The following CCDC39 variants were observed in gnomAD, a reference collection of about 807,000 sequenced individuals.
CCDC39 encodes the protein coiled-coil domain-containing protein 39.
In CCDC39, 113 loss-of-function variants were observed where a neutral mutation model predicts 121.0. That is an observed-to-expected ratio of 0.93 (90% confidence interval 0.80 to 1.09). The LOEUF is 1.09. CCDC39 is among the 50% of genes least tolerant of loss of function. The pLI, the probability that CCDC39 is intolerant of heterozygous loss-of-function variation, is 0.00. For synonymous variants in CCDC39, 349 were observed against 352.2 expected (o/e 0.99, Z 0.10); for missense variants, 1,063 against 1,074.7 (o/e 0.99, Z 0.15).
At chr3:180,629,658 TGTGAA>T (rs1334580495) in intron 14 of CCDC39, among the ~76,000 whole-genome samples, 1 of 152,214 alleles carries the variant, frequency 6.6e-6, no homozygotes, top group East Asian at 1.9e-4. Context: ...ATCTGAGACT[TGTGAA>T]GTGTTACCAG....
chr3:180,677,193 TA>T (rs1712255242), intron 1 of CCDC39, among the ~76,000 whole-genome samples: 5 of 102,838 alleles, frequency 4.9e-5, no homozygotes, highest in African/African-American at 1.8e-4. Flanking sequence ...TATATATATA[TA>T]TATATATATA....
At chr3:180,630,147 C>T (rs756844723) in intron 14 of CCDC39, among the ~76,000 whole-genome samples, 1 of 152,044 alleles carries the variant, frequency 6.6e-6, no homozygotes, top group Non-Finnish European at 1.5e-5. Context: ...ACACTTAACA[C>T]CAGTACTTTT....
intron 13 of CCDC39, among the ~76,000 whole-genome samples, chr3:180,635,375 A>G (rs1452323286): frequency 6.7e-6 from 1 of 148,610 alleles, no homozygotes; most frequent in Non-Finnish European, 1.5e-5. Flanking sequence ...TAATCCCCCC[A>G]AAGTCTTAGC....
intron 1 of CCDC39, among the ~76,000 whole-genome samples, chr3:180,676,187 T>C (rs1359103139): frequency 3.9e-5 from 6 of 152,166 alleles, no homozygotes; most frequent in Non-Finnish European, 8.8e-5. Context: ...CAAAAGAAAC[T>C]ACCATCAGAA....
chr3:180,659,424 CA>C (rs1359679810), intron 6 of CCDC39, 27 bp downstream of exon 6: 1 of 1,608,816 alleles, frequency 6.2e-7, no homozygotes, highest in African/African-American at 1.3e-5. Flanking sequence ...TGCAGCTGAA[CA>C]TTACAAGGAC....
At position 180,663,562 on chromosome 3, in the gene CCDC39, C is replaced by G. The variant is rs372472222; in HGVS notation, c.210+305G>C. On this transcript the variant is annotated intron_variant, in intron 2 of 19. Coordinates refer to ENST00000476379, the MANE Select transcript of CCDC39 (RefSeq NM_181426.2). ...GTGGGTGCCTATAATCCCAGCTACT[C>G]GGGAGGCTGAGGCATGAGAATCTTT... is the stretch of plus-strand genomic sequence containing the variant. Among the ~76,000 whole-genome samples the G allele has an allele frequency of 7.3e-5, 11 of 151,176 alleles. No homozygotes were observed. In the South Asian group the frequency reaches 2.3e-3, roughly 32 times the overall value.
Position 180,659,446 on chromosome 3 carries a change from C to G in CCDC39, c.738+6G>C. The G allele has an allele frequency of 6.2e-7, 1 of 1,613,204 alleles. No individual in the cohort carries two copies. Among genetic ancestry groups the G allele is most frequent in the Non-Finnish European group, 8.5e-7 (1 of 1,179,524 alleles). ...GAACATTACAAGGACCAAACAACTACTTTACCAAAGCACAGTTATCTATGT... is the reference window on the plus strand; with the variant it reads ...GAACATTACAAGGACCAAACAACTAGTTTACCAAAGCACAGTTATCTATGT... On this transcript the variant is annotated splice_donor_region_variant and intron_variant, in intron 6 of 19. Coordinates refer to ENST00000476379, the MANE Select transcript of CCDC39 (RefSeq NM_181426.2).
intron 2 of CCDC39, 44 bp downstream of exon 2, chr3:180,663,822 TC>T: frequency 6.3e-7 from 1 of 1,585,634 alleles, no homozygotes; most frequent in South Asian, 1.1e-5. Flanking sequence ...TATGAGATGT[TC>T]CATGACTACA....
Position 180,654,785 on chromosome 3 carries a change from T to C in CCDC39, c.907A>G (p.Ser303Gly), listed in dbSNP as rs749780145. 6.2e-7 allele frequency: 1 copy of C among 1,608,802 alleles called. No homozygotes were observed. The highest frequency in any genetic ancestry group is 1.1e-5 in the South Asian group (1 of 90,044). Residue 303 changes from serine to glycine, a missense_variant, in exon 7 of 20, where the codon AGT (serine) becomes GGT (glycine). Transcript: ENST00000476379. The stretch of plus-strand genomic sequence containing the variant: ...ACCTCACCCTTCAGCTGAATTCTAC[T>C]AGTTTCATGGTCCTGATATGCCGTT... ...CRTAYQDHET[S>G]RIQLKGELDS... is the part of the protein sequence containing the mutation.
At chr3:180,625,370 T>C (rs900679774) in intron 14 of CCDC39, among the ~76,000 whole-genome samples, 3 of 151,482 alleles carry the variant, frequency 2.0e-5, no homozygotes, top group African/African-American at 7.3e-5. Context: ...TTTTAAGATA[T>C]CTCCTTGGTG....
chr3:180,642,494 A>T (rs1717979257), intron 12 of CCDC39, among the ~76,000 whole-genome samples: 1 of 152,170 alleles, frequency 6.6e-6, no homozygotes, highest in South Asian at 2.1e-4. Context: ...TCCAAAAAAC[A>T]TAAAGCCCTA....
Position 180,614,759 on chromosome 3 carries a change from T to C in CCDC39, c.*162A>G, listed in dbSNP as rs1717163781. On this transcript the variant is annotated 3_prime_UTR_variant, in exon 20 of 20. Coordinates refer to ENST00000476379, the MANE Select transcript of CCDC39 (RefSeq NM_181426.2). ...AATTTCTTCAGTATGAAGAAAACAG[T>C]AGAGAAAATGAGAACGTTCCTTTTT... 8.6e-6 allele frequency: 5 copies of C among 579,542 alleles called. No homozygotes were observed. The South Asian group carries it at 1.3e-4, about 15-fold the overall frequency. 35.9% of individuals were successfully genotyped at this position (579,542 alleles called of 1,614,324 possible). A position where few individuals can be genotyped will look rare whatever the true frequency, so the allele number is the denominator to read the frequency against.
At position 180,659,774 on chromosome 3, in the gene CCDC39, G is replaced by C. The variant is rs768633577; in HGVS notation, c.517-5C>G. On this transcript the variant is annotated splice_polypyrimidine_tract_variant and splice_region_variant and intron_variant, in intron 4 of 19. Coordinates refer to ENST00000476379, the MANE Select transcript of CCDC39 (RefSeq NM_181426.2). The stretch of plus-strand genomic sequence containing the variant: ...TTCTAATTGCAGAGTCAGTGCCTAT[G>C]ATGTAATTATATACAGATACTTATA... 1.3e-6 allele frequency: 2 copies of C among 1,579,238 alleles called. No homozygotes were observed. Among genetic ancestry groups the C allele is most frequent in the Non-Finnish European group, 1.7e-6 (2 of 1,151,812 alleles).
At chr3:180,635,389 C>T (rs914958762) in intron 13 of CCDC39, among the ~76,000 whole-genome samples, 19 of 145,878 alleles carry the variant, frequency 1.3e-4, no homozygotes, top group Admixed American at 6.2e-4. Flanking sequence ...TCTTAGCTCA[C>T]TCCAGCATTA....
intron 1 of CCDC39, among the ~76,000 whole-genome samples, chr3:180,677,528 T>A (rs1202709957): frequency 1.3e-5 from 2 of 151,980 alleles, no homozygotes; most frequent in African/African-American, 4.8e-5. Context: ...CATTCAGTAA[T>A]CTATATTTGA....
Position 180,616,346 on chromosome 3 carries a change from A to G in CCDC39, c.2604T>C (p.Pro868=), listed in dbSNP as rs1372606259. The change falls in exon 19 of 20, where the codon CCT becomes CCC. Residue 868 remains proline, a synonymous_variant. Coordinates refer to ENST00000476379, the MANE Select transcript of CCDC39 (RefSeq NM_181426.2). ...GACGACTGCCTTTTGTGCTAGCTGT[A>G]GGTAGTTCTAACCCACTCTGGAGGA... ...TYFQQSGLEL[P]TASTKGSRQS... The G allele has an allele frequency of 6.2e-7, 1 of 1,612,916 alleles. No homozygotes were observed. The highest frequency in any genetic ancestry group is 8.5e-7 in the Non-Finnish European group (1 of 1,179,124).
intron 16 of CCDC39, chr3:180,617,255 G>A (rs1576930342): frequency 2.1e-6 from 1 of 468,742 alleles, no homozygotes; most frequent in African/African-American, 2.0e-5. Context: ...AAACAAACCT[G>A]CATTGCCAGT....
intron 13 of CCDC39, among the ~76,000 whole-genome samples, chr3:180,636,409 G>C (rs1387242206): frequency 6.6e-6 from 1 of 151,634 alleles, no homozygotes; most frequent in Non-Finnish European, 1.5e-5. Flanking sequence ...GGAGGTGAAA[G>C]ATCTCTACAA....
Position 180,647,157 on chromosome 3 carries a change from T to C in CCDC39, c.1449A>G (p.Lys483=). 1 of 1,612,368 alleles carries C rather than the reference T, an allele frequency of 6.2e-7. No homozygotes were observed. Among genetic ancestry groups the C allele is most frequent in the Non-Finnish European group, 8.5e-7 (1 of 1,179,192 alleles). ...NSEEKQALEA[K]IVELRKSLEE... Reference sequence around the variant, plus strand: ...CCAAAGACTTCCTAAGTTCAACAATTTTTGCTTCAAGCGCTTGTTTTTCTT... The same window carrying C: ...CCAAAGACTTCCTAAGTTCAACAATCTTTGCTTCAAGCGCTTGTTTTTCTT... Residue 483 remains lysine, a synonymous_variant, in exon 11 of 20, where the codon AAA becomes AAG. Coordinates refer to ENST00000476379, the MANE Select transcript of CCDC39 (RefSeq NM_181426.2).
Sources: allele counts gnomAD v4.1 joint callset (sites outside exome capture counted in the v4.1 genomes callset), GRCh38; gene constraint gnomAD v4.1.1; transcripts MANE v1.5; gene names NCBI Gene and HGNC (gene_info 2026-07-23, HGNC 2026-07-21).